Variants in KATNBL1 observed in about 807,000 individuals in gnomAD.
KATNBL1 encodes KATNB1-like protein 1.
Under a neutral mutation model 44.7 loss-of-function variants are expected in KATNBL1, and 28 were observed. The observed-to-expected ratio is 0.63, with a 90% CI of 0.46 to 0.86. The LOEUF (loss-of-function observed/expected upper bound fraction) is 0.86, where lower values mean the gene tolerates loss of function less well. KATNBL1 is among the 40% of genes least tolerant of loss of function. KATNBL1 has a pLI of 0.00. For synonymous variants in KATNBL1, 78 were observed against 114.9 expected (o/e 0.68, Z 2.06); for missense variants, 272 against 350.7 (o/e 0.78, Z 1.79).
chr15:34,178,496 A>ATG lies in KATNBL1; in HGVS notation c.-14-14807_-14-14806insCA, dbSNP rs1440166875. Among the ~76,000 whole-genome samples the ATG allele has an allele frequency of 6.6e-5, 10 of 152,242 alleles. No homozygotes were observed. The South Asian group carries it at 1.9e-3, about 28-fold the overall frequency. ...CAATGGGCCGGGCGTGGTGGCTCTCACCTGTAATCTCAGCACTTTGGGAGG... is the reference window on the plus strand; with the variant it reads ...CAATGGGCCGGGCGTGGTGGCTCTCATGCCTGTAATCTCAGCACTTTGGGAGG... On this transcript the variant is annotated intron_variant, in intron 1 of 9. Coordinates refer to ENST00000256544, the MANE Select transcript of KATNBL1 (RefSeq NM_024713.3).
At chr15:34,198,292 T>C (rs529776273) in intron 1 of KATNBL1, 1 of 152,202 alleles carries the variant, frequency 6.6e-6, no homozygotes, top group Non-Finnish European at 1.5e-5. Context: ...AACTTCCCAA[T>C]CTTTCCTGCT....
chr15:34,146,716 C>A, intron 8 of KATNBL1, 45 bp downstream of exon 8: 1 of 1,110,606 alleles, frequency 9.0e-7, no homozygotes, highest in South Asian at 1.2e-5. Flanking sequence ...AGCTGCTTTC[C>A]TGAAGAAAAT....
At chr15:34,158,649 C>T (rs185829072) in intron 2 of KATNBL1, among the ~76,000 whole-genome samples, 21 of 152,064 alleles carry the variant, frequency 1.4e-4, no homozygotes. Flanking sequence ...GTGTGAGCTA[C>T]CCAGAAGGCA....
At chr15:34,181,593 CACATATATATGTCCAT>C (rs1889531904) in intron 1 of KATNBL1, among the ~76,000 whole-genome samples, 1 of 32,010 alleles carries the variant, frequency 3.1e-5, no homozygotes, top group Admixed American at 4.2e-4. Context: ...CATATATATA[CACATATATATGTCCAT>C]ATATATACAC....
chr15:34,157,285 C>A (rs1256616819), intron 2 of KATNBL1, among the ~76,000 whole-genome samples: 1 of 152,194 alleles, frequency 6.6e-6, no homozygotes, highest in Non-Finnish European at 1.5e-5. Flanking sequence ...AATAGCTGCC[C>A]ATGATTCTGG....
chr15:34,160,080 G>T (rs1888751258), intron 2 of KATNBL1, among the ~76,000 whole-genome samples: 1 of 152,166 alleles, frequency 6.6e-6, no homozygotes, highest in Admixed American at 6.5e-5. Context: ...TTCCTCAAAA[G>T]CTCTAAGTGG....
chr15:34,145,501 A>G lies in KATNBL1; in HGVS notation c.789-10T>C. On this transcript the variant is annotated splice_polypyrimidine_tract_variant and intron_variant, in intron 8 of 9. Transcript: ENST00000256544. ...TAAAATTTGAATATTTCTAAAAGAA[A>G]AAAAAGGAAGAAAAATGAGAAAGCA... The G allele has an allele frequency of 7.0e-7, 1 of 1,428,002 alleles. No homozygotes were observed. Among genetic ancestry groups the G allele is most frequent in the Non-Finnish European group, 9.1e-7 (1 of 1,093,912 alleles). 88.5% of individuals were successfully genotyped at this position (1,428,002 alleles called of 1,614,324 possible).
chr15:34,191,104 T>A (rs1889858119), intron 1 of KATNBL1, among the ~76,000 whole-genome samples: 1 of 150,896 alleles, frequency 6.6e-6, no homozygotes, highest in South Asian at 2.1e-4. Context: ...CTTGAATGTA[T>A]TTCTGTCACT....
At chr15:34,154,932 T>C in intron 2 of KATNBL1, 1 of 464,804 alleles carries the variant, frequency 2.2e-6, no homozygotes, top group Non-Finnish European at 3.9e-6. Flanking sequence ...CAGTCTAAAC[T>C]AATTCTGATA....
intron 1 of KATNBL1, among the ~76,000 whole-genome samples, chr15:34,183,505 T>G (rs1889624799): frequency 6.6e-6 from 1 of 152,206 alleles, no homozygotes; most frequent in Non-Finnish European, 1.5e-5. Flanking sequence ...CTTTCCCACT[T>G]AACTAGCTCT....
intron 2 of KATNBL1, 158 bp from the exon 3 acceptor site, chr15:34,154,842 G>A (rs906991160): frequency 1.6e-6 from 1 of 611,968 alleles, no homozygotes; most frequent in South Asian, 1.9e-5. Context: ...ACCGGGCATG[G>A]GAGGAGAAGG....
chr15:34,147,113 T>C, intron 7 of KATNBL1, 87 bp downstream of exon 7: 1 of 779,936 alleles, frequency 1.3e-6, no homozygotes, highest in Non-Finnish European at 2.2e-6. Flanking sequence ...GCATGTCTCA[T>C]GGAGCCCAAT....
intron 2 of KATNBL1, among the ~76,000 whole-genome samples, chr15:34,158,277 T>A (rs1020818740): frequency 6.6e-6 from 1 of 152,210 alleles, no homozygotes; most frequent in African/African-American, 2.4e-5. Context: ...CATAAGGGAA[T>A]TGGATAACAT....
At position 34,169,081 on chromosome 15, in the gene KATNBL1, C is replaced by T. The variant is rs189884304; in HGVS notation, c.-14-5391G>A. On this transcript the variant is annotated intron_variant, in intron 1 of 9. Coordinates refer to ENST00000256544, the MANE Select transcript of KATNBL1 (RefSeq NM_024713.3). ...AAAGGTAGCAGAAGGCAAGAAATAA[C>T]TAAGATCAGAGCAGAACTGAAGGAG... Among the ~76,000 whole-genome samples the T allele has an allele frequency of 1.1e-4, 17 of 152,166 alleles. No individual in the cohort carries two copies. In the East Asian group the frequency reaches 2.7e-3, roughly 24 times the overall value.
rs1357896769 is a variant in KATNBL1, at chr15:34,142,299, T to A, written c.*40A>T. 1 of 1,572,844 alleles carries A rather than the reference T, an allele frequency of 6.4e-7. No individual in the cohort carries two copies. Among genetic ancestry groups the A allele is most frequent in the Non-Finnish European group, 8.6e-7 (1 of 1,161,074 alleles). The stretch of plus-strand genomic sequence containing the variant: ...TTTTGTAAATTATACAGTTCAGGGA[T>A]GTTTTGAAAAACCAAATGCTCTTTA... On this transcript the variant is annotated 3_prime_UTR_variant, in exon 10 of 10. Transcript: ENST00000256544.
chr15:34,187,198 C>T (rs912405805), intron 1 of KATNBL1, among the ~76,000 whole-genome samples: 1 of 152,160 alleles, frequency 6.6e-6, no homozygotes, highest in African/African-American at 2.4e-5. Context: ...AGAAGCTGCC[C>T]TATCTGCTGA....
rs186729995 is a variant in KATNBL1, at chr15:34,166,362, G to A, written c.-14-2672C>T. Among the ~76,000 whole-genome samples, 844 of 152,336 alleles carry A rather than the reference G, an allele frequency of 5.5e-3. 6 individuals carry two copies. The highest frequency in any genetic ancestry group is 0.027 in the Middle Eastern group (8 of 294). ...GCGCAGCAGTCTGAGATAGACCTGC[G>A]AAGCAGCAGCCTGGCAGGGGGAGGG... On this transcript the variant is annotated intron_variant, in intron 1 of 9. Transcript: ENST00000256544.
At chr15:34,180,197 A>G (rs1889477126) in intron 1 of KATNBL1, among the ~76,000 whole-genome samples, 1 of 152,084 alleles carries the variant, frequency 6.6e-6, no homozygotes, top group Admixed American at 6.6e-5. Flanking sequence ...CCAAATTTCT[A>G]CAATGAGTGC....
intron 1 of KATNBL1, among the ~76,000 whole-genome samples, chr15:34,208,229 C>A (rs1197454431): frequency 1.3e-5 from 2 of 152,156 alleles, no homozygotes; most frequent in African/African-American, 4.8e-5. Flanking sequence ...AATGTGTAGT[C>A]TTCTATCCTT....
Sources: allele counts gnomAD v4.1 joint callset (sites outside exome capture counted in the v4.1 genomes callset), GRCh38; gene constraint gnomAD v4.1.1; transcripts MANE v1.5; gene names NCBI Gene and HGNC (gene_info 2026-07-23, HGNC 2026-07-21).